IPO4: variants seen among roughly 807,000 people sequenced by gnomAD.
IPO4 encodes importin 4.
In IPO4, 91 loss-of-function variants were observed where a neutral mutation model predicts 133.5. The ratio of observed to expected loss-of-function variants is 0.68; its 90% CI spans 0.58 to 0.81. The LOEUF is 0.81. Ranked by LOEUF, IPO4 falls within the 30% of genes least tolerant of loss-of-function variation. The pLI is 0.00. For synonymous variants in IPO4, 607 were observed against 581.6 expected, an observed-to-expected ratio of 1.04 and a Z score of -0.63; for missense variants, 1,279 against 1,386.2, an observed-to-expected ratio of 0.92 and a Z score of 1.23.
In IPO4 at chr14:24,181,525, G is replaced by T; in HGVS notation, c.3033C>A (p.Ser1011Arg). 6.4e-7 allele frequency: 1 copy of T among 1,566,144 alleles called. No individual in the cohort carries two copies. The highest frequency in any genetic ancestry group is 2.4e-5 in the East Asian group (1 of 42,076). ...GCAGCAAGGTTACCTGGTCAGGGCTGCTCTGGTACAGGAAGCTGAAGAGGC... is the reference window on the plus strand; with the variant it reads ...GCAGCAAGGTTACCTGGTCAGGGCTTCTCTGGTACAGGAAGCTGAAGAGGC... The part of the protein sequence containing the change: ...IGRLFSFLYQ[S>R]SPDQVIDVAP... Residue 1011 changes from serine to arginine, a missense_variant, in exon 28 of 30, where the codon AGC becomes AGA. Transcript: ENST00000354464.
chr14:24,184,889 A>G lies in IPO4; in HGVS notation c.1500T>C (p.Ala500=), dbSNP rs1469531695. 1 of 1,614,050 alleles carries G rather than the reference A, an allele frequency of 6.2e-7. No individual in the cohort carries two copies. Among genetic ancestry groups the G allele is most frequent in the East Asian group, 2.2e-5 (1 of 44,882 alleles). ...NPSSPRAKEL[A]VSALGAIATA... ...CACCAATGGCTCCCAGGGCGCTCAC[A>G]GCCAGCTCCTTGGCCCGGGGACTGC... The change falls in exon 15 of 30, where the codon GCT becomes GCC. Residue 500 remains alanine, a synonymous_variant. Transcript: ENST00000354464.
In IPO4 at chr14:24,182,059, G is replaced by A. The variant is rs2039147035; in HGVS notation, c.2703C>T (p.Leu901=). 6.2e-7 allele frequency: 1 copy of A among 1,613,658 alleles called. No homozygotes were observed. Among genetic ancestry groups the A allele is most frequent in the African/African-American group, 1.3e-5 (1 of 74,942 alleles). ...AASAQFVSRL[L]PVLLSTAQEA... Reference sequence around the variant, plus strand: ...CTTGGGCGGTGCTCAACAGCACAGGGAGCAGCCGAGACACAAACTGGGCTG... The same window carrying A: ...CTTGGGCGGTGCTCAACAGCACAGGAAGCAGCCGAGACACAAACTGGGCTG... The change falls in exon 26 of 30, where the codon CTC becomes CTT. Residue 901 remains leucine, a synonymous_variant. Coordinates refer to ENST00000354464, the MANE Select transcript of IPO4 (RefSeq NM_024658.4).
intron 17 of IPO4, 83 bp from the exon 18 acceptor site, chr14:24,184,192 T>C (rs1440939916): frequency 1.9e-6 from 3 of 1,565,458 alleles, no homozygotes; most frequent in Non-Finnish European, 2.6e-6. Flanking sequence ...CACCTGGCTA[T>C]GGTCCAAACC....
rs1407598796 is a variant in IPO4 at position 24,186,445 on chromosome 14, G to C, written c.847C>G (p.Leu283Val). Residue 283 changes from leucine to valine, a missense_variant, in exon 10 of 30, where the codon CTG becomes GTG. By Grantham distance (32) the Leu-to-Val change is conservative (BLOSUM62 1). Transcript: ENST00000354464. ...AAGGGTGGCAGGAGACGATTCTTCA[G>C]TAAGGCCTTGACAGAGAAGGTGGAA... ...FLVKVKSKAL[L>V]KNRLLPPLLH... 3 of 1,585,648 alleles carry C rather than the reference G, an allele frequency of 1.9e-6. No homozygotes were observed. Among genetic ancestry groups the C allele is most frequent in the Non-Finnish European group, 2.6e-6 (3 of 1,164,044 alleles).
rs762793752 is a variant in IPO4, at chr14:24,187,735, C to A, written c.340G>T (p.Glu114Ter). Residue 114 changes from glutamate to a stop codon, truncating the protein, a stop_gained, in exon 5 of 30, where the codon GAG (glutamate) becomes TAG (stop). Transcript: ENST00000354464. LOFTEE classifies it high-confidence loss of function. ...SATIFRKEGL[E>*]AWPQLLQLLQ... ...AGCTGCAAAAGCTGTGGCCAGGCCT[C>A]CAAGCCTTCCTTTCGAAAAATGGTG... The A allele has an allele frequency of 1.6e-5, 26 of 1,614,202 alleles. No individual in the cohort carries two copies. The highest frequency in any genetic ancestry group is 2.2e-5 in the Non-Finnish European group (26 of 1,180,040).
chr14:24,188,261 G>C lies in IPO4; in HGVS notation c.237-4C>G. The C allele has an allele frequency of 6.2e-7, 1 of 1,613,472 alleles. No homozygotes were observed. The highest frequency in any genetic ancestry group is 2.2e-5 in the East Asian group (1 of 44,870). On this transcript the variant is annotated splice_region_variant and splice_polypyrimidine_tract_variant and intron_variant, in intron 3 of 29. Coordinates refer to ENST00000354464, the MANE Select transcript of IPO4 (RefSeq NM_024658.4). ...CGTCAGGATCAGGGACTTGAGGCTG[G>C]AACACAGGTGGCAGGTGTTTGGTAC... is the stretch of plus-strand genomic sequence containing the variant.
At chr14:24,187,909 G>C in intron 4 of IPO4, 113 bp from the exon 5 acceptor site, 2 of 1,357,174 alleles carry the variant, frequency 1.5e-6, no homozygotes, top group Non-Finnish European at 2.0e-6. Flanking sequence ...TGGGCACAGG[G>C]TCTTTGCCAA....
chr14:24,180,377 G>T lies in IPO4; in HGVS notation c.*65C>A. 1 of 1,563,334 alleles carries T rather than the reference G, an allele frequency of 6.4e-7. No individual in the cohort carries two copies. The highest frequency in any genetic ancestry group is 1.2e-5 in the South Asian group (1 of 85,492). On this transcript the variant is annotated 3_prime_UTR_variant, in exon 30 of 30. Coordinates refer to ENST00000354464, the MANE Select transcript of IPO4 (RefSeq NM_024658.4). Reference sequence around the variant, plus strand: ...TCTTTGGTAAGGCAGAACTGAACTGGGCTGAGAGGTGGTCTTAAGGCCTGG... The same window carrying T: ...TCTTTGGTAAGGCAGAACTGAACTGTGCTGAGAGGTGGTCTTAAGGCCTGG...
In IPO4 at chr14:24,185,525, C is replaced by G. The variant is rs1566644046; in HGVS notation, c.1212G>C (p.Glu404Asp). The G allele has an allele frequency of 6.2e-7, 1 of 1,614,208 alleles. No homozygotes were observed. The highest frequency in any genetic ancestry group is 2.2e-5 in the East Asian group (1 of 44,894). The change falls in exon 13 of 30, where the codon GAG (glutamate) becomes GAC (aspartate). Residue 404 changes from glutamate (E) to aspartate (D), a missense_variant. By Grantham distance (45) the Glu-to-Asp change is conservative (BLOSUM62 2). This residue lies in a region of IPO4 where 695 missense variants were observed against 704.1 expected (regional missense o/e 0.99). Coordinates refer to ENST00000354464, the MANE Select transcript of IPO4 (RefSeq NM_024658.4). ...CATTGCGTACAACTTGCGAGGGGTC[C>G]TCCAGGCCCTTGCACACAATCTGCA... ...PLLQIVCKGL[E>D]DPSQVVRNAA...
chr14:24,180,276 G>T lies in IPO4; in HGVS notation c.*166C>A. 8 of 1,532,710 alleles carry T rather than the reference G, an allele frequency of 5.2e-6. No homozygotes were observed. Among genetic ancestry groups the T allele is most frequent in the Non-Finnish European group, 6.2e-6 (7 of 1,135,366 alleles). The allele number at this position is 1,532,710 out of a possible 1,614,324, so 94.9% of individuals were successfully genotyped here. On this transcript the variant is annotated 3_prime_UTR_variant, in exon 30 of 30. Transcript: ENST00000354464. ...TACAGTATGATGTCATGACTCATTT[G>T]TAACAGATCCAGCCTCAGGGACAGC...
At chr14:24,187,238 G>A in intron 6 of IPO4, 88 bp from the exon 7 acceptor site, 2 of 1,519,820 alleles carry the variant, frequency 1.3e-6, no homozygotes, top group Non-Finnish European at 1.8e-6. Flanking sequence ...TTGCGAGGAG[G>A]AGCCCAGGCA....
chr14:24,186,315 C>T lies in IPO4; in HGVS notation c.977G>A (p.Gly326Glu). ...EEEELEIELM[G>E]ETPKHFAVQV... is the part of the protein sequence containing the mutation. The stretch of plus-strand genomic sequence containing the variant: ...TACAGCGAAATGCTTGGGAGTCTCC[C>T]CCATCAGCTCAATCTCCAACTCTTC... The change falls in exon 10 of 30, where the codon GGG becomes GAG. Residue 326 changes from glycine (G) to glutamate (E), a missense_variant. Gly to Glu is a moderately conservative substitution (Grantham distance 98). Around this residue, in one of 3 missense-constraint regions of IPO4, gnomAD observed 695 missense variants for 704.1 expected, o/e 0.99. Coordinates refer to ENST00000354464, the MANE Select transcript of IPO4 (RefSeq NM_024658.4). The T allele has an allele frequency of 1.2e-6, 2 of 1,610,232 alleles. No homozygotes were observed. The highest frequency in any genetic ancestry group is 1.7e-6 in the Non-Finnish European group (2 of 1,177,652).
At position 24,188,650 on chromosome 14, in the gene IPO4, C is replaced by T; in HGVS notation, c.70-12G>A. ...AGCTGTTCCGTGGCCTGGGGGGAAG[C>T]TAGGGGTGAGAGTTGGGCCTTTCCC... On this transcript the variant is annotated splice_polypyrimidine_tract_variant and intron_variant, in intron 1 of 29. Transcript: ENST00000354464. The T allele has an allele frequency of 3.1e-6, 5 of 1,608,406 alleles. No homozygotes were observed. Among genetic ancestry groups the T allele is most frequent in the Non-Finnish European group, 4.2e-6 (5 of 1,177,300 alleles).
At chr14:24,185,426 C>CA (rs1367899283) in intron 13 of IPO4, 33 bp downstream of exon 13, 2 of 1,610,976 alleles carry the variant, frequency 1.2e-6, no homozygotes, top group East Asian at 4.5e-5. Context: ...AGGGGACATT[C>CA]AAGTGGTGGC....
chr14:24,185,050 G>T, intron 14 of IPO4, 70 bp from the exon 15 acceptor site: 1 of 1,589,704 alleles, frequency 6.3e-7, no homozygotes, highest in Non-Finnish European at 8.6e-7. Flanking sequence ...CCCTCCAGGC[G>T]GAAACCTTTT....
Position 24,185,541 on chromosome 14 carries a change from A to G in IPO4, c.1196T>C (p.Val399Ala), listed in dbSNP as rs1206574082. The G allele has an allele frequency of 6.2e-7, 1 of 1,614,164 alleles. No individual in the cohort carries two copies. The highest frequency in any genetic ancestry group is 2.2e-5 in the East Asian group (1 of 44,888). Reference sequence around the variant, plus strand: ...CGAGGGGTCCTCCAGGCCCTTGCACACAATCTGCAGCAGTGGGGGCAGCAG... The same window carrying G: ...CGAGGGGTCCTCCAGGCCCTTGCACGCAATCTGCAGCAGTGGGGGCAGCAG... Reference protein sequence around the residue: ...QRLLPPLLQIVCKGLEDPSQV... With the variant: ...QRLLPPLLQIACKGLEDPSQV... Residue 399 changes from valine to alanine, a missense_variant, in exon 13 of 30, where the codon GTG becomes GCG. Transcript: ENST00000354464.
intron 4 of IPO4, 183 bp from the exon 5 acceptor site, chr14:24,187,979 T>A (rs1304850909): frequency 2.5e-6 from 2 of 792,744 alleles, no homozygotes; most frequent in Non-Finnish European, 4.0e-6. Context: ...GCATGTAATC[T>A]GGTAAGTTCA....
In IPO4 at chr14:24,188,767, C is replaced by G. The variant is rs73604934; in HGVS notation, c.21G>C (p.Glu7Asp). 2.0e-6 allele frequency: 3 copies of G among 1,518,728 alleles called. No homozygotes were observed. The highest frequency in any genetic ancestry group is 1.3e-5 in the South Asian group (1 of 76,290). 94.1% of individuals were successfully genotyped at this position (1,518,728 alleles called of 1,614,324 possible). ...GTAGCAGCAGCTCCCGTAGGAGCTG[C>G]TCTAGCCCGGCTGACTCCATGGCAG... MESAGL[E>D]QLLRELLLPD... Residue 7 changes from glutamate (E) to aspartate (D), a missense_variant, in exon 1 of 30, where the codon GAG (glutamate) becomes GAC (aspartate). Physicochemically the swap from Glu to Asp is conservative, Grantham distance 45. Transcript: ENST00000354464.
chr14:24,187,101 A>C lies in IPO4; in HGVS notation c.638T>G (p.Leu213Arg). The change falls in exon 7 of 30, where the codon CTG becomes CGG. Residue 213 changes from leucine to arginine, a missense_variant. Physicochemically the swap from Leu to Arg is moderately radical, Grantham distance 102 (BLOSUM62 -2). Coordinates refer to ENST00000354464, the MANE Select transcript of IPO4 (RefSeq NM_024658.4). ...TGTCCTCACCTCATCTATGGGGATC[A>C]GAGTCTGCATGGCCATGATCAGCTT... The part of the protein sequence containing the change: ...VPKLIMAMQT[L>R]IPIDEAKACE... 1 of 1,614,056 alleles carries C rather than the reference A, an allele frequency of 6.2e-7. No individual in the cohort carries two copies. Among genetic ancestry groups the C allele is most frequent in the Non-Finnish European group, 8.5e-7 (1 of 1,179,952 alleles).
Sources: allele counts gnomAD v4.1 joint callset, GRCh38; gene constraint gnomAD v4.1.1; regional missense constraint gnomAD v4.1.1; transcripts MANE v1.5; gene names NCBI Gene and HGNC (gene_info 2026-07-23, HGNC 2026-07-21).